The following ECRG4 variants were observed in gnomAD, a reference collection of about 807,000 sequenced individuals.
ECRG4 encodes the protein augurin.
In ECRG4, 18 loss-of-function variants were observed where a neutral mutation model predicts 15.8. The observed-to-expected ratio is 1.14, with a 90% CI of 0.79 to 1.69. ECRG4 has a LOEUF of 1.69. Ranked by LOEUF, ECRG4 falls within the 40% of genes most tolerant of loss-of-function variation. The probability of loss-of-function intolerance (pLI) is 0.00; values close to 1 mark genes in which losing one functional copy is unlikely to be tolerated. For missense variants in ECRG4, 200 were observed against 190.9 expected (o/e 1.05, Z -0.28); for synonymous variants, 82 against 73.9 (o/e 1.11, Z -0.56).
chr2:106,066,959 A>G (rs1364907754), intron 1 of ECRG4, among the ~76,000 whole-genome samples: 4 of 148,576 alleles, frequency 2.7e-5, no homozygotes, highest in Non-Finnish European at 5.9e-5. Context: ...TTCCCGTTGT[A>G]TGGTTTACCT....
chr2:106,065,889 G>A, intron 1 of ECRG4, 46 bp downstream of exon 1: 1 of 1,424,956 alleles, frequency 7.0e-7, no homozygotes, highest in South Asian at 1.4e-5. Flanking sequence ...ACCAGGGGTT[G>A]GCCCCATGTG....
intron 3 of ECRG4, among the ~76,000 whole-genome samples, chr2:106,077,069 T>C (rs72834706): frequency 0.056 from 8,575 of 152,304 alleles, 306 homozygotes; most frequent in Middle Eastern, 0.17. Context: ...TCCCTTTTAT[T>C]ATCTGCAACT....
At chr2:106,065,235 G>A (rs929303191), upstream of ECRG4, among the ~76,000 whole-genome samples, 3 of 152,082 alleles carry the variant, frequency 2.0e-5, no homozygotes, top group Admixed American at 6.5e-5. Context: ...CAAGCAGGGA[G>A]GGAGGGAGAT....
At chr2:106,075,052 G>A (rs1035696303) in intron 3 of ECRG4, among the ~76,000 whole-genome samples, 5 of 151,370 alleles carry the variant, frequency 3.3e-5, no homozygotes, top group African/African-American at 1.2e-4. Flanking sequence ...AGGTAAACAT[G>A]TATAGCCAAA....
chr2:106,077,986 A>C lies in ECRG4; in HGVS notation c.*60A>C. ...AGCGATTCTCTTCATGTATCTCCTA[A>C]TGCCTTACACTACTTGGTTTCTGAT... On this transcript the variant is annotated 3_prime_UTR_variant, in exon 4 of 4. Transcript: ENST00000238044. 6.6e-7 allele frequency: 1 copy of C among 1,513,990 alleles called. No individual in the cohort carries two copies. The highest frequency in any genetic ancestry group is 9.0e-7 in the Non-Finnish European group (1 of 1,111,286). 93.8% of individuals were successfully genotyped at this position (1,513,990 alleles called of 1,614,324 possible).
intron 1 of ECRG4, chr2:106,070,692 G>C (rs1338420158): frequency 4.5e-6 from 1 of 220,536 alleles, no homozygotes; most frequent in East Asian, 1.2e-4. Context: ...TTTTATTTGG[G>C]TCACAGACAC....
chr2:106,066,718 G>A (rs1341993766), intron 1 of ECRG4, among the ~76,000 whole-genome samples: 2 of 152,200 alleles, frequency 1.3e-5, no homozygotes, highest in South Asian at 2.1e-4. Flanking sequence ...AAGCAGCTGG[G>A]CACTGCCTAA....
upstream of ECRG4, chr2:106,065,549 G>T: frequency 2.6e-6 from 1 of 386,330 alleles, no homozygotes; most frequent in Non-Finnish European, 4.6e-6. Flanking sequence ...GGCCGGGGCG[G>T]GAGAGAGGAC....
At chr2:106,064,567 A>G (rs1676163437), upstream of ECRG4, among the ~76,000 whole-genome samples, 1 of 152,176 alleles carries the variant, frequency 6.6e-6, no homozygotes, top group Non-Finnish European at 1.5e-5. Context: ...AATCCCAGCT[A>G]CTCAGGAGGC....
In ECRG4 at chr2:106,073,873, T is replaced by A. The variant is rs770264682; in HGVS notation, c.128-13T>A. The A allele has an allele frequency of 8.7e-6, 14 of 1,611,862 alleles. No homozygotes were observed. In the South Asian group the frequency reaches 1.3e-4, roughly 15 times the overall value. On this transcript the variant is annotated splice_polypyrimidine_tract_variant and intron_variant, in intron 2 of 3. Coordinates refer to ENST00000238044, the MANE Select transcript of ECRG4 (RefSeq NM_032411.3). ...TTCTTTGTGCTTTGGGGATGGGGAA[T>A]TGATGATTTCAGCACCTGTTCCAAC...
At chr2:106,067,297 TA>T (rs1161085148) in intron 1 of ECRG4, among the ~76,000 whole-genome samples, 1 of 150,564 alleles carries the variant, frequency 6.6e-6, no homozygotes, top group African/African-American at 2.5e-5. Context: ...CGTCGCAAAA[TA>T]AAAAAAGAAA....
At chr2:106,067,551 C>T (rs1473948962) in intron 1 of ECRG4, among the ~76,000 whole-genome samples, 1 of 151,664 alleles carries the variant, frequency 6.6e-6, no homozygotes, top group African/African-American at 2.4e-5. Context: ...CTCACTGCAA[C>T]CTCCGCCTCC....
chr2:106,075,641 G>A (rs944578911), intron 3 of ECRG4, among the ~76,000 whole-genome samples: 3 of 152,122 alleles, frequency 2.0e-5, no homozygotes, highest in African/African-American at 4.8e-5. Context: ...AGAATCCTTC[G>A]AACCCGGGAG....
chr2:106,071,211 G>T (rs1181960360), intron 1 of ECRG4, among the ~76,000 whole-genome samples: 2 of 151,434 alleles, frequency 1.3e-5, no homozygotes, highest in Non-Finnish European at 2.9e-5. Flanking sequence ...TCACATGGGT[G>T]ACCTCCGTGG....
chr2:106,074,117 A>G (rs1301290161), intron 3 of ECRG4, 74 bp downstream of exon 3: 1 of 1,555,076 alleles, frequency 6.4e-7, no homozygotes, highest in Non-Finnish European at 8.8e-7. Flanking sequence ...GCTCGGGGAA[A>G]TAGGAAGCAG....
intron 3 of ECRG4, 22 bp from the exon 4 acceptor site, chr2:106,077,743 C>T: frequency 6.2e-7 from 1 of 1,610,790 alleles, no homozygotes; most frequent in Non-Finnish European, 8.5e-7. Context: ...CATTCTCTAT[C>T]ATTCTCTCTC....
rs918114765 is a variant in ECRG4 at position 106,065,696 on chromosome 2, C to T, written c.-69C>T. The T allele has an allele frequency of 2.5e-5, 32 of 1,280,028 alleles. No individual in the cohort carries two copies. The South Asian group carries it at 4.2e-4, about 17-fold the overall frequency. The allele number at this position is 1,280,028 out of a possible 1,614,324, so 79.3% of individuals were successfully genotyped here. ...CGCGCCTGCCCGCTCGCACCCCTCT[C>T]CCGCGCCCGGTTCTCCCTCGCAGCA... On this transcript the variant is annotated 5_prime_UTR_variant, in exon 1 of 4. Transcript: ENST00000238044.
In ECRG4 at chr2:106,073,988, G is replaced by T. The variant is rs774800281; in HGVS notation, c.230G>T (p.Arg77Leu). 4 of 1,614,024 alleles carry T rather than the reference G, an allele frequency of 2.5e-6. No individual in the cohort carries two copies. The highest frequency in any genetic ancestry group is 3.4e-6 in the Non-Finnish European group (4 of 1,180,054). Residue 77 changes from arginine (R) to leucine (L), a missense_variant, in exon 3 of 4, where the codon CGG becomes CTG. Transcript: ENST00000238044. ...RQKRQLWDRT[R>L]PEVQQWYQQF... ...AAGCGGCAGCTGTGGGACCGGACTC[G>T]GCCCGAGGTGCAGCAGTGGTACCAG...
chr2:106,065,762 G>C lies in ECRG4; in HGVS notation c.-3G>C. The C allele has an allele frequency of 6.8e-7, 1 of 1,479,366 alleles. No homozygotes were observed. The highest frequency in any genetic ancestry group is 8.9e-7 in the Non-Finnish European group (1 of 1,121,940). The allele number at this position is 1,479,366 out of a possible 1,614,324, so 91.6% of individuals were successfully genotyped here. ...CTCGCCCTCCTGCTCGCGCCCCGCCGCCATGGCTGCCTCCCCCGCGCGGCC... is the reference window on the plus strand; with the variant it reads ...CTCGCCCTCCTGCTCGCGCCCCGCCCCCATGGCTGCCTCCCCCGCGCGGCC... On this transcript the variant is annotated 5_prime_UTR_variant, in exon 1 of 4. Transcript: ENST00000238044.
Sources: gnomAD v4.1 joint callset for allele counts (sites outside exome capture counted in the v4.1 genomes callset) on GRCh38, gnomAD v4.1.1 for gene constraint, MANE v1.5 for transcripts, NCBI Gene and HGNC (gene_info 2026-07-23, HGNC 2026-07-21) for gene names.